Variants in RIMS2 observed in about 807,000 individuals in gnomAD.
The protein encoded by RIMS2 is regulating synaptic membrane exocytosis 2.
Under a neutral mutation model 174.4 loss-of-function variants are expected in RIMS2, and 59 were observed. The observed-to-expected ratio is 0.34, with a 90% CI of 0.27 to 0.42. The LOEUF (loss-of-function observed/expected upper bound fraction) is 0.42, where lower values mean the gene tolerates loss of function less well. Among genes scored for constraint, RIMS2 ranks in the 10% least tolerant of loss-of-function variants. The probability of loss-of-function intolerance (pLI) is 1.00; values close to 1 mark genes in which losing one functional copy is unlikely to be tolerated. For synonymous variants in RIMS2, 606 were observed against 572.5 expected (o/e 1.06, Z -0.84); for missense variants, 1,620 against 1,666.3 (o/e 0.97, Z 0.48).
chr8:103,819,979 G>A (rs1010012500), intron 3 of RIMS2, among the ~76,000 whole-genome samples: 2 of 152,032 alleles, frequency 1.3e-5, no homozygotes, highest in Admixed American at 1.3e-4. Context: ...TAAGGATGGG[G>A]CTATATAATC....
intron 1 of RIMS2, among the ~76,000 whole-genome samples, chr8:103,685,055 G>A (rs940759736): frequency 1.3e-5 from 2 of 148,910 alleles, no homozygotes; most frequent in African/African-American, 2.5e-5. Flanking sequence ...TATATAAGGT[G>A]TAAGATACAA....
rs76010764 is a variant in RIMS2 at position 104,181,266 on chromosome 8, A to T, written c.3335-63650A>T. On this transcript the variant is annotated intron_variant, in intron 19 of 23. Transcript: ENST00000504942. ...TAGTCCTTAGAGTATTTTGGAAAAC[A>T]TCTAAACATCCTTAAATTTAAATTG... 2.0e-4 allele frequency among the ~76,000 whole-genome samples: 31 copies of T among 151,786 alleles called. No homozygotes were observed. In the East Asian group the frequency reaches 5.4e-3, roughly 27 times the overall value.
In RIMS2 at chr8:103,614,513, T is replaced by G. The variant is rs188620318; in HGVS notation, c.177-82573T>G. Reference sequence around the variant, plus strand: ...CCAGTTACTGTGATTGCTCACTAGATTTTTGGTTATTGAGATAGTGCTTTT... The same window carrying G: ...CCAGTTACTGTGATTGCTCACTAGAGTTTTGGTTATTGAGATAGTGCTTTT... On this transcript the variant is annotated intron_variant, in intron 1 of 23. Transcript: ENST00000504942. 2.1e-4 allele frequency among the ~76,000 whole-genome samples: 32 copies of G among 152,376 alleles called. 1 individual carries two copies. Among genetic ancestry groups the G allele is most frequent in the Admixed American group, 2.1e-3 (32 of 15,308 alleles).
chr8:104,022,549 GT>G (rs1394131342), intron 19 of RIMS2, among the ~76,000 whole-genome samples: 5 of 151,840 alleles, frequency 3.3e-5, no homozygotes, highest in African/African-American at 1.2e-4. Context: ...ACCCAGCTAA[GT>G]TTTCTATTTC....
intron 2 of RIMS2, among the ~76,000 whole-genome samples, chr8:103,753,295 A>C (rs1221630052): frequency 2.0e-5 from 3 of 152,178 alleles, no homozygotes; most frequent in African/African-American, 7.2e-5. Flanking sequence ...CCACTTGATC[A>C]TGGTGGATAA....
intron 19 of RIMS2, among the ~76,000 whole-genome samples, chr8:104,174,037 C>T (rs1474870975): frequency 6.6e-6 from 1 of 151,806 alleles, no homozygotes; most frequent in Non-Finnish European, 1.5e-5. Flanking sequence ...ATCTCTGCCT[C>T]CTTGGTTCAA....
chr8:103,786,174 C>A (rs1182106086), intron 3 of RIMS2, among the ~76,000 whole-genome samples: 1 of 152,100 alleles, frequency 6.6e-6, no homozygotes, highest in Middle Eastern at 3.4e-3. Context: ...CATCTTTATT[C>A]GTCTTGCTAG....
intron 19 of RIMS2, among the ~76,000 whole-genome samples, chr8:104,115,665 G>A (rs1458722282): frequency 6.6e-6 from 1 of 152,070 alleles, no homozygotes; most frequent in Admixed American, 6.6e-5. Context: ...TGATATAGTA[G>A]TGGACTGGGG....
chr8:103,946,786 G>A (rs1429747837), intron 14 of RIMS2, among the ~76,000 whole-genome samples: 2 of 152,090 alleles, frequency 1.3e-5, no homozygotes, highest in Non-Finnish European at 2.9e-5. Flanking sequence ...ATATGCAAAA[G>A]TATAAGATCC....
At chr8:103,839,051 C>T (rs1442577909) in intron 3 of RIMS2, among the ~76,000 whole-genome samples, 1 of 152,000 alleles carries the variant, frequency 6.6e-6, no homozygotes. Flanking sequence ...TGCGACAGGG[C>T]GACACTCCGT....
intron 1 of RIMS2, among the ~76,000 whole-genome samples, chr8:103,635,199 G>T (rs1461106961): frequency 6.6e-6 from 1 of 152,208 alleles, no homozygotes; most frequent in Non-Finnish European, 1.5e-5. Flanking sequence ...GTATTAGGTG[G>T]TAGTGGTCTT....
chr8:103,983,060 T>A (rs2094047137), intron 16 of RIMS2, among the ~76,000 whole-genome samples: 1 of 152,138 alleles, frequency 6.6e-6, no homozygotes, highest in Non-Finnish European at 1.5e-5. Flanking sequence ...TCAGGATACA[T>A]GATCAACATA....
intron 17 of RIMS2, among the ~76,000 whole-genome samples, chr8:103,997,464 T>A (rs1565755418): frequency 6.6e-6 from 1 of 151,874 alleles, no homozygotes; most frequent in Non-Finnish European, 1.5e-5. Context: ...TAAGATTAAT[T>A]GTTTTAGTAT....
chr8:104,012,116 A>G (rs1264077556), intron 17 of RIMS2, among the ~76,000 whole-genome samples: 1 of 151,894 alleles, frequency 6.6e-6, no homozygotes, highest in Non-Finnish European at 1.5e-5. Flanking sequence ...TTCCTGAGGC[A>G]CTTATATGAA....
chr8:103,636,796 CCCCCCA>C (rs1564111517), intron 1 of RIMS2, among the ~76,000 whole-genome samples: 5 of 59,902 alleles, frequency 8.3e-5, no homozygotes, highest in African/African-American at 2.0e-4. Flanking sequence ...GCACCCCCCC[CCCCCCA>C]CACACACACA....
At chr8:104,150,306 T>C (rs950469796) in intron 19 of RIMS2, among the ~76,000 whole-genome samples, 8 of 152,232 alleles carry the variant, frequency 5.3e-5, no homozygotes, top group Admixed American at 3.3e-4. Context: ...TCAGGGTTCT[T>C]ATTTATAAGT....
At chr8:103,506,043 T>C (rs1189919610) in intron 1 of RIMS2, among the ~76,000 whole-genome samples, 2 of 152,146 alleles carry the variant, frequency 1.3e-5, no homozygotes, top group Non-Finnish European at 2.9e-5. Context: ...TGATCTTCCC[T>C]ATTCTAGTAT....
rs141795663 is a variant in RIMS2 at position 103,554,756 on chromosome 8, T to C, written c.176+53694T>C. 2.6e-5 allele frequency among the ~76,000 whole-genome samples: 4 copies of C among 152,214 alleles called. No individual in the cohort carries two copies. In the East Asian group the frequency reaches 7.7e-4, roughly 29 times the overall value. ...AGATGTATGTCCATTGCAGCACTAC[T>C]CTCAATAGTAAAGTCATGGAATCAG... On this transcript the variant is annotated intron_variant, in intron 1 of 23. Transcript: ENST00000504942.
intron 4 of RIMS2, among the ~76,000 whole-genome samples, chr8:103,894,360 G>T (rs944294653): frequency 6.6e-6 from 1 of 151,544 alleles, no homozygotes; most frequent in Admixed American, 6.6e-5. Context: ...AGACTTCAAT[G>T]TGAATACAAA....
Sources: gnomAD v4.1 joint callset for allele counts (sites outside exome capture counted in the v4.1 genomes callset) on GRCh38, gnomAD v4.1.1 for gene constraint, MANE v1.5 for transcripts, NCBI Gene and HGNC (gene_info 2026-07-23, HGNC 2026-07-21) for gene names.